CCSER1: variants seen among roughly 807,000 people sequenced by gnomAD.
CCSER1 encodes the protein coiled-coil serine rich protein 1.
CCSER1 carries 41 observed loss-of-function variants against 82.0 expected under a neutral mutation model. The observed-to-expected ratio is 0.50, with a 90% CI of 0.39 to 0.65. The LOEUF is 0.65. Among genes scored for constraint, CCSER1 ranks in the 30% least tolerant of loss-of-function variants. CCSER1 has a pLI of 0.00. For synonymous variants in CCSER1, 414 were observed against 383.9 expected, an observed-to-expected ratio of 1.08 and a Z score of -0.92; for missense variants, 1,119 against 1,064.2, an observed-to-expected ratio of 1.05 and a Z score of -0.72.
chr4:91,047,255 T>C (rs553413379), intron 9 of CCSER1, among the ~76,000 whole-genome samples: 24 of 150,256 alleles, frequency 1.6e-4, no homozygotes, highest in African/African-American at 3.0e-4. Flanking sequence ...CACACACACA[T>C]ATATATATTT....
intron 3 of CCSER1, among the ~76,000 whole-genome samples, chr4:90,322,289 A>G (rs541535601): frequency 2.6e-5 from 4 of 152,152 alleles, no homozygotes; most frequent in South Asian, 4.1e-4. Flanking sequence ...AATTCACTGT[A>G]TATGTGTGGA....
intron 10 of CCSER1, among the ~76,000 whole-genome samples, chr4:91,101,826 A>G (rs576073512): frequency 1.7e-4 from 26 of 152,360 alleles, no homozygotes; most frequent in Non-Finnish European, 3.1e-4. Context: ...TCAGAGAGTG[A>G]CAAAAACAAA....
intron 10 of CCSER1, among the ~76,000 whole-genome samples, chr4:91,194,663 C>T (rs1735260771): frequency 6.6e-6 from 1 of 151,448 alleles, no homozygotes; most frequent in African/African-American, 2.4e-5. Context: ...ACCAAATGCA[C>T]ATGGTAGAGA....
chr4:90,943,729 A>ATT (rs70965460), intron 9 of CCSER1, among the ~76,000 whole-genome samples: 1,739 of 68,854 alleles, frequency 0.025, 173 homozygotes, highest in African/African-American at 0.091. Flanking sequence ...TGCCAGGCTA[A>ATT]TTTTTTTTTT....
At chr4:90,774,236 T>G (rs1414000956) in intron 7 of CCSER1, among the ~76,000 whole-genome samples, 1 of 152,158 alleles carries the variant, frequency 6.6e-6, no homozygotes, top group Non-Finnish European at 1.5e-5. Flanking sequence ...GAAAACAGCA[T>G]GGTAAATTCC....
chr4:91,584,786 T>C (rs1763906359), intron 10 of CCSER1, among the ~76,000 whole-genome samples: 1 of 151,552 alleles, frequency 6.6e-6, no homozygotes, highest in Admixed American at 6.6e-5. Flanking sequence ...TAAAAATTAT[T>C]GTTTTGCATT....
At chr4:90,941,515 A>T (rs1235066455) in intron 9 of CCSER1, among the ~76,000 whole-genome samples, 1 of 152,106 alleles carries the variant, frequency 6.6e-6, no homozygotes, top group Non-Finnish European at 1.5e-5. Context: ...TTTCTTTATA[A>T]AACAAAATGC....
At chr4:90,487,944 C>T (rs1213590306) in intron 5 of CCSER1, among the ~76,000 whole-genome samples, 3 of 152,134 alleles carry the variant, frequency 2.0e-5, no homozygotes, top group African/African-American at 7.2e-5. Context: ...CTGGCTTAAT[C>T]TAGTGTTTTA....
intron 6 of CCSER1, among the ~76,000 whole-genome samples, chr4:90,648,328 A>AGAAAGAAAGAAAGAAG (rs1728080606): frequency 1.3e-5 from 2 of 151,794 alleles, no homozygotes; most frequent in South Asian, 2.1e-4. Context: ...AAAGAAAGAA[A>AGAAAGAAAGAAAGAAG]GAAAGAAAGA....
intron 10 of CCSER1, among the ~76,000 whole-genome samples, chr4:91,302,096 A>T (rs2149240413): frequency 6.6e-6 from 1 of 152,098 alleles, no homozygotes; most frequent in East Asian, 1.9e-4. Flanking sequence ...TGTGAAAATC[A>T]AATTTGAATC....
intron 10 of CCSER1, among the ~76,000 whole-genome samples, chr4:91,509,999 CCCCT>C (rs1759734735): frequency 6.6e-6 from 1 of 151,924 alleles, no homozygotes; most frequent in South Asian, 2.1e-4. Context: ...AACCCATTGC[CCCCT>C]CTCTCCACCC....
At chr4:91,227,271 C>G (rs867897479) in intron 10 of CCSER1, among the ~76,000 whole-genome samples, 6 of 151,384 alleles carry the variant, frequency 4.0e-5, no homozygotes, top group Non-Finnish European at 8.9e-5. Flanking sequence ...CAACTTAAAA[C>G]AACAGACAAT....
intron 2 of CCSER1, among the ~76,000 whole-genome samples, chr4:90,312,125 A>T (rs1735391985): frequency 6.6e-6 from 1 of 152,230 alleles, no homozygotes; most frequent in African/African-American, 2.4e-5. Flanking sequence ...AACTTAAATA[A>T]TAAGTCATAC....
intron 9 of CCSER1, among the ~76,000 whole-genome samples, chr4:90,988,334 C>CAAAAAAAAA (rs60408059): frequency 3.4e-4 from 26 of 75,382 alleles, no homozygotes; most frequent in South Asian, 5.9e-4. Flanking sequence ...TATCTTGTCT[C>CAAAAAAAAA]AAAAAAAAAA....
intron 10 of CCSER1, among the ~76,000 whole-genome samples, chr4:91,358,972 G>A (rs111574321): frequency 0.044 from 6,650 of 152,120 alleles, 491 homozygotes; most frequent in African/African-American, 0.15. Flanking sequence ...AGGACGAGCC[G>A]CAGACAAAAC....
intron 7 of CCSER1, among the ~76,000 whole-genome samples, chr4:90,727,577 A>G (rs1743889922): frequency 6.6e-6 from 1 of 152,140 alleles, no homozygotes; most frequent in African/African-American, 2.4e-5. Context: ...GCCTTGGTAA[A>G]ATGCTCCACA....
intron 9 of CCSER1, among the ~76,000 whole-genome samples, chr4:91,052,273 T>C (rs1381294): frequency 0.17 from 26,177 of 152,034 alleles, 2,348 homozygotes; most frequent in Admixed American, 0.23. Context: ...TTGGTTTATG[T>C]CTACAGGCTG....
chr4:90,508,793 A>G (rs897735182), intron 5 of CCSER1, among the ~76,000 whole-genome samples: 4 of 151,972 alleles, frequency 2.6e-5, no homozygotes, highest in Non-Finnish European at 5.9e-5. Flanking sequence ...TTAAAACATA[A>G]TGCTGATTTT....
chr4:91,593,467 C>CTTTTTGTTTTTTTTTTTTTTTTTTTT (rs1764366072), intron 10 of CCSER1, among the ~76,000 whole-genome samples: 1 of 55,020 alleles, frequency 1.8e-5, no homozygotes, highest in Non-Finnish European at 3.3e-5. Context: ...CAACCCCGTG[C>CTTTTTGTTTTTTTTTTTTTTTTTTTT]TTTTTTTTTT....
Sources: allele counts gnomAD v4.1 joint callset (sites outside exome capture counted in the v4.1 genomes callset), GRCh38; gene constraint gnomAD v4.1.1; transcripts MANE v1.5; gene names NCBI Gene and HGNC (gene_info 2026-07-23, HGNC 2026-07-21).